The following CNTNAP2 variants were observed in gnomAD, a reference collection of about 807,000 sequenced individuals.
The protein encoded by CNTNAP2 is contactin-associated protein-like 2.
In CNTNAP2, 98 loss-of-function variants were observed where a neutral mutation model predicts 155.2. The ratio of observed to expected loss-of-function variants is 0.63; its 90% CI spans 0.54 to 0.75. The LOEUF (loss-of-function observed/expected upper bound fraction) is 0.75, where lower values mean the gene tolerates loss of function less well. Among genes scored for constraint, CNTNAP2 ranks in the 30% least tolerant of loss-of-function variants. CNTNAP2 has a pLI of 0.00. For missense variants in CNTNAP2, 1,727 were observed against 1,688.1 expected (o/e 1.02, Z -0.40); for synonymous variants, 651 against 631.2 (o/e 1.03, Z -0.47).
chr7:147,259,588 A>C (rs1478681441), intron 8 of CNTNAP2, among the ~76,000 whole-genome samples: 1 of 152,226 alleles, frequency 6.6e-6, no homozygotes, highest in African/African-American at 2.4e-5. Flanking sequence ...TTTTCTGCTG[A>C]ACAACTGTAT....
At chr7:147,827,123 G>C (rs537047129) in intron 13 of CNTNAP2, among the ~76,000 whole-genome samples, 1 of 151,642 alleles carries the variant, frequency 6.6e-6, no homozygotes, top group Non-Finnish European at 1.5e-5. Flanking sequence ...TTAGAGATGG[G>C]GTTTCGCCAT....
At chr7:147,097,999 T>C (rs1375616300) in intron 4 of CNTNAP2, among the ~76,000 whole-genome samples, 1 of 152,212 alleles carries the variant, frequency 6.6e-6, no homozygotes, top group African/African-American at 2.4e-5. Flanking sequence ...TTTGAAATTC[T>C]GTGTAGTGAT....
chr7:147,719,105 T>C (rs1796525832), intron 13 of CNTNAP2, among the ~76,000 whole-genome samples: 1 of 152,142 alleles, frequency 6.6e-6, no homozygotes, highest in African/African-American at 2.4e-5. Flanking sequence ...AAAGAGGTTA[T>C]TATTTCACCT....
At chr7:147,930,141 A>T (rs1050900137) in intron 14 of CNTNAP2, among the ~76,000 whole-genome samples, 1 of 152,226 alleles carries the variant, frequency 6.6e-6, no homozygotes, top group African/African-American at 2.4e-5. Flanking sequence ...GAAAGAAAAA[A>T]AAACAGGAAA....
chr7:148,132,880 A>G (rs118047534), intron 16 of CNTNAP2, among the ~76,000 whole-genome samples: 3,609 of 152,320 alleles, frequency 0.024, 57 homozygotes, highest in Middle Eastern at 0.048. Context: ...ACTTCTATGA[A>G]TTAGAGAATC....
chr7:146,507,498 G>C (rs988765696), intron 1 of CNTNAP2, among the ~76,000 whole-genome samples: 3 of 152,166 alleles, frequency 2.0e-5, no homozygotes, highest in Non-Finnish European at 4.4e-5. Flanking sequence ...CAATGGTTTT[G>C]TTTTCTGAGC....
intron 20 of CNTNAP2, among the ~76,000 whole-genome samples, chr7:148,255,177 T>A (rs1796436213): frequency 6.6e-6 from 1 of 152,168 alleles, no homozygotes; most frequent in South Asian, 2.1e-4. Flanking sequence ...GAAGACTAGT[T>A]CAGATATTGT....
intron 3 of CNTNAP2, among the ~76,000 whole-genome samples, chr7:147,009,184 T>G (rs1798579246): frequency 6.6e-6 from 1 of 152,166 alleles, no homozygotes; most frequent in African/African-American, 2.4e-5. Flanking sequence ...CTGTCTTTAC[T>G]TTGTTAAATG....
chr7:148,297,096 T>C (rs1156922978), intron 21 of CNTNAP2, among the ~76,000 whole-genome samples: 1 of 137,418 alleles, frequency 7.3e-6, no homozygotes, highest in Non-Finnish European at 1.6e-5. Context: ...AAAAATCAGA[T>C]CAGATAACCA....
chr7:147,983,159 A>G (rs1468591122), intron 15 of CNTNAP2, among the ~76,000 whole-genome samples: 1 of 152,132 alleles, frequency 6.6e-6, no homozygotes, highest in Admixed American at 6.6e-5. Flanking sequence ...ACCCACGAGC[A>G]TACATAGGCC....
intron 2 of CNTNAP2, among the ~76,000 whole-genome samples, chr7:146,833,405 T>C (rs1161635719): frequency 6.6e-6 from 1 of 152,086 alleles, no homozygotes; most frequent in Non-Finnish European, 1.5e-5. Context: ...TCTCCTCTCA[T>C]CTCCCCTGTT....
intron 14 of CNTNAP2, among the ~76,000 whole-genome samples, chr7:147,924,766 G>T (rs1313633183): frequency 6.6e-6 from 1 of 152,056 alleles, no homozygotes; most frequent in African/African-American, 2.4e-5. Flanking sequence ...GAGTATGAGA[G>T]CCAAGCTGTA....
At chr7:147,927,799 T>A (rs1016249) in intron 14 of CNTNAP2, among the ~76,000 whole-genome samples, 71,225 of 151,656 alleles carry the variant, frequency 0.47, 18,163 homozygotes, top group African/African-American at 0.69. Context: ...TTTGACTAGA[T>A]TGGGAAATTC....
At chr7:147,226,481 C>G (rs1244690018) in intron 8 of CNTNAP2, among the ~76,000 whole-genome samples, 1 of 151,904 alleles carries the variant, frequency 6.6e-6, no homozygotes, top group Non-Finnish European at 1.5e-5. Context: ...GGCATGAACT[C>G]TTCCCGGGGT....
chr7:146,794,325 C>T (rs978087256), intron 2 of CNTNAP2, among the ~76,000 whole-genome samples: 8 of 152,172 alleles, frequency 5.3e-5, no homozygotes, highest in Non-Finnish European at 8.8e-5. Context: ...CTGTCCAAAT[C>T]ATTGTATATG....
intron 1 of CNTNAP2, among the ~76,000 whole-genome samples, chr7:146,658,649 G>T (rs1800033975): frequency 6.6e-6 from 1 of 152,152 alleles, no homozygotes; most frequent in Admixed American, 6.5e-5. Context: ...GAAGGCTAAA[G>T]GGAGATATGA....
intron 1 of CNTNAP2, among the ~76,000 whole-genome samples, chr7:146,169,875 C>A (rs1481481000): frequency 2.6e-5 from 4 of 151,300 alleles, no homozygotes; most frequent in Admixed American, 6.6e-5. Flanking sequence ...GGATAGGTAC[C>A]TAGTTTGTTT....
chr7:146,444,272 A>T (rs1313187558), intron 1 of CNTNAP2, among the ~76,000 whole-genome samples: 1 of 151,962 alleles, frequency 6.6e-6, no homozygotes, highest in East Asian at 1.9e-4. Flanking sequence ...TGATCCACCC[A>T]CCTCAGCCTC....
chr7:146,207,246 T>C (rs900494638), intron 1 of CNTNAP2, among the ~76,000 whole-genome samples: 3 of 152,028 alleles, frequency 2.0e-5, no homozygotes, highest in African/African-American at 7.2e-5. Context: ...CCACCACTAG[T>C]AGCATAGTAG....
Sources: allele counts gnomAD v4.1 joint callset (sites outside exome capture counted in the v4.1 genomes callset), GRCh38; gene constraint gnomAD v4.1.1; transcripts MANE v1.5; gene names NCBI Gene and HGNC (gene_info 2026-07-23, HGNC 2026-07-21).